CCDC93: variants seen among roughly 807,000 people sequenced by gnomAD.
CCDC93 encodes the protein CCC complex scaffolding subunit CCDC93, also known as coiled-coil domain-containing protein 93.
CCDC93 carries 61 observed loss-of-function variants against 108.2 expected under a neutral mutation model. The ratio of observed to expected loss-of-function variants is 0.56; its 90% CI spans 0.46 to 0.70. CCDC93 has a LOEUF of 0.70. CCDC93 is among the 30% of genes least tolerant of loss of function. CCDC93 has a pLI of 0.00. For missense variants in CCDC93, 685 were observed against 764.2 expected (o/e 0.90, Z 1.22); for synonymous variants, 276 against 260.4 (o/e 1.06, Z -0.58).
intron 11 of CCDC93, among the ~76,000 whole-genome samples, chr2:117,970,753 T>C (rs1194251431): frequency 6.6e-6 from 1 of 152,092 alleles, no homozygotes; most frequent in Non-Finnish European, 1.5e-5. Context: ...TCTTCGATCC[T>C]CTCAGTGGTC....
At chr2:117,925,689 C>G (rs553456470) in intron 23 of CCDC93, among the ~76,000 whole-genome samples, 18 of 152,246 alleles carry the variant, frequency 1.2e-4, no homozygotes, top group African/African-American at 4.1e-4. Context: ...TTTAACACCC[C>G]ACTGTCAACA....
intron 13 of CCDC93, chr2:117,949,865 C>A: frequency 5.1e-6 from 5 of 985,372 alleles, no homozygotes; most frequent in Non-Finnish European, 6.0e-6. Context: ...GGATGGTTAA[C>A]AGACAGGAAT....
chr2:118,013,876 C>T, intron 1 of CCDC93, 78 bp downstream of exon 1: 1 of 1,345,244 alleles, frequency 7.4e-7, no homozygotes, highest in South Asian at 1.4e-5. Context: ...CACCCAGGGC[C>T]CGCTCAGCCC....
intron 7 of CCDC93, chr2:117,985,445 G>A (rs528888693): frequency 2.0e-6 from 2 of 977,998 alleles, no homozygotes; most frequent in East Asian, 1.1e-4. Context: ...TTAATACCCA[G>A]TGACAAGCAA....
At chr2:117,935,620 C>T (rs1490651236) in intron 21 of CCDC93, 41 bp from the exon 22 acceptor site, 3 of 1,430,458 alleles carry the variant, frequency 2.1e-6, no homozygotes, top group South Asian at 2.3e-5. Context: ...GCACACAGGA[C>T]TCTGAGGCAG....
Position 117,924,838 on chromosome 2 carries a change from A to G in CCDC93, c.1843-4442T>C, listed in dbSNP as rs959944485. Reference sequence around the variant, plus strand: ...AAGACACATAATTGTCAGATTCACCAAAGTTGAAATGGAAAAAATGTTAAG... The same window carrying G: ...AAGACACATAATTGTCAGATTCACCGAAGTTGAAATGGAAAAAATGTTAAG... On this transcript the variant is annotated intron_variant, in intron 23 of 23. Transcript: ENST00000376300. 2.0e-5 allele frequency among the ~76,000 whole-genome samples: 3 copies of G among 152,334 alleles called. No homozygotes were observed. The South Asian group carries it at 6.2e-4, about 32-fold the overall frequency.
At chr2:117,971,390 C>T (rs1485682516) in intron 11 of CCDC93, among the ~76,000 whole-genome samples, 2 of 148,792 alleles carry the variant, frequency 1.3e-5, no homozygotes, top group African/African-American at 2.5e-5. Flanking sequence ...CACCCATACA[C>T]ACAAACACAC....
At chr2:117,981,285 A>G (rs1680107913) in intron 7 of CCDC93, among the ~76,000 whole-genome samples, 1 of 152,204 alleles carries the variant, frequency 6.6e-6, no homozygotes, top group Non-Finnish European at 1.5e-5. Flanking sequence ...TGGTTGCTGC[A>G]TGAATGAAGA....
At chr2:117,951,601 A>G in intron 13 of CCDC93, 1 of 1,000,248 alleles carries the variant, frequency 1.0e-6, no homozygotes, top group Non-Finnish European at 1.2e-6. Flanking sequence ...AGGAAGTACG[A>G]GGTAGGGACC....
chr2:117,964,915 TA>T (rs1197421644), intron 11 of CCDC93, among the ~76,000 whole-genome samples: 1 of 152,198 alleles, frequency 6.6e-6, no homozygotes, highest in Non-Finnish European at 1.5e-5. Flanking sequence ...GAATCATTGC[TA>T]ATGGCTATCA....
intron 11 of CCDC93, among the ~76,000 whole-genome samples, chr2:117,960,736 C>T (rs1174762060): frequency 2.0e-5 from 3 of 152,166 alleles, no homozygotes; most frequent in East Asian, 3.9e-4. Flanking sequence ...AAAACCCTGT[C>T]AGAAGGTCTC....
chr2:117,957,601 C>T (rs148178551), intron 12 of CCDC93, among the ~76,000 whole-genome samples: 37 of 152,282 alleles, frequency 2.4e-4, no homozygotes, highest in African/African-American at 7.2e-4. Context: ...TATTTAAACA[C>T]GTCAATGGCT....
At chr2:117,982,759 G>GT (rs923565314) in intron 7 of CCDC93, among the ~76,000 whole-genome samples, 2 of 151,336 alleles carry the variant, frequency 1.3e-5, no homozygotes, top group Non-Finnish European at 3.0e-5. Context: ...GTGTAGTGGG[G>GT]GGGGGGGTGC....
chr2:117,987,386 C>T (rs1415460454), intron 6 of CCDC93, among the ~76,000 whole-genome samples: 4 of 152,162 alleles, frequency 2.6e-5, no homozygotes, highest in Non-Finnish European at 5.9e-5. Context: ...GCCACTCTAG[C>T]CACCCACCAG....
chr2:117,936,740 C>A lies in CCDC93; in HGVS notation c.1606-1G>T, dbSNP rs1678539106. 2 of 1,613,114 alleles carry A rather than the reference C, an allele frequency of 1.2e-6. No homozygotes were observed. Among genetic ancestry groups the A allele is most frequent in the Non-Finnish European group, 1.7e-6 (2 of 1,179,060 alleles). On this transcript the variant is annotated splice_acceptor_variant, in intron 20 of 23. Transcript: ENST00000376300. LOFTEE classifies it high-confidence loss of function. ...CATGAATTGAGTTCAGCAGACTAAT[C>A]TGGGGAAGTAAAAAAACAAACGAAA...
At position 117,986,160 on chromosome 2, in the gene CCDC93, C is replaced by CTTTTT. The variant is rs763304100; in HGVS notation, c.520-96_520-92dup. 1.0e-3 allele frequency: 289 copies of CTTTTT among 276,244 alleles called. 1 individual carries two copies. Among genetic ancestry groups the CTTTTT allele is most frequent in the South Asian group, 1.8e-3 (45 of 25,064 alleles). 17.1% of individuals were successfully genotyped at this position (276,244 alleles called of 1,614,324 possible). Reference sequence around the variant, plus strand: ...TGCCTCCAGCCATGGGGTATATTCTCTTTTTTTTTTTTTTTTTTTTTTGAG... The same window carrying CTTTTT: ...TGCCTCCAGCCATGGGGTATATTCTCTTTTTTTTTTTTTTTTTTTTTTTTTTTGAG... On this transcript the variant is annotated intron_variant, in intron 6 of 23. Transcript: ENST00000376300.
chr2:117,986,903 C>T (rs1680336874), intron 6 of CCDC93, among the ~76,000 whole-genome samples: 1 of 152,078 alleles, frequency 6.6e-6, no homozygotes, highest in South Asian at 2.1e-4. Context: ...AATCAACCTA[C>T]ATGGTGTCAG....
chr2:117,946,979 A>G (rs550692468), intron 15 of CCDC93, 97 bp from the exon 16 acceptor site: 2 of 929,062 alleles, frequency 2.2e-6, no homozygotes, highest in Admixed American at 1.9e-5. Context: ...TTCACATTTC[A>G]TGAGTTTATT....
At position 117,956,635 on chromosome 2, in the gene CCDC93, G is replaced by A. The variant is rs145384447; in HGVS notation, c.1005+1730C>T. ...AGGGGTCAGGAGTAGGGATGATACT[G>A]TCTGAGTTGACAACTCATTAAAATG... On this transcript the variant is annotated intron_variant, in intron 12 of 23. Coordinates refer to ENST00000376300, the MANE Select transcript of CCDC93 (RefSeq NM_019044.5). Among the ~76,000 whole-genome samples, 1,005 of 152,288 alleles carry A rather than the reference G, an allele frequency of 6.6e-3. 37 individuals carry two copies. The highest frequency in any genetic ancestry group is 0.054 in the Admixed American group (826 of 15,294).
Sources: gnomAD v4.1 joint callset for allele counts (sites outside exome capture counted in the v4.1 genomes callset) on GRCh38, gnomAD v4.1.1 for gene constraint, MANE v1.5 for transcripts, NCBI Gene and HGNC (gene_info 2026-07-23, HGNC 2026-07-21) for gene names.